EPHX1: variants seen among roughly 807,000 people sequenced by gnomAD.
EPHX1 encodes epoxide hydratase.
A neutral mutation model predicts 43.2 loss-of-function variants in EPHX1; 40 were observed. The observed-to-expected ratio is 0.93, with a 90% CI of 0.72 to 1.21. The LOEUF (loss-of-function observed/expected upper bound fraction) is 1.21. EPHX1 is among the 50% of genes most tolerant of loss of function. The pLI, the probability that EPHX1 is intolerant of heterozygous loss-of-function variation, is 0.00. For missense variants in EPHX1, 550 were observed against 570.4 expected, an observed-to-expected ratio of 0.96 and a Z score of 0.36; for synonymous variants, 221 against 226.7, an observed-to-expected ratio of 0.98 and a Z score of 0.22.
intron 3 of EPHX1, among the ~76,000 whole-genome samples, chr1:225,835,924 A>G (rs1559023158): frequency 6.6e-6 from 1 of 152,030 alleles, no homozygotes; most frequent in Non-Finnish European, 1.5e-5. Context: ...CATTGAATTC[A>G]TCGTGGACTT....
chr1:225,812,277 A>G (rs6426089), intron 1 of EPHX1, among the ~76,000 whole-genome samples: 88,587 of 152,074 alleles, frequency 0.58, 26,591 homozygotes, highest in East Asian at 0.75. Context: ...GAAAATAACT[A>G]CTCAGCAAGA....
At chr1:225,845,044 G>A (rs1668825776) in intron 8 of EPHX1, 102 bp from the exon 9 acceptor site, 2 of 1,233,272 alleles carry the variant, frequency 1.6e-6, no homozygotes, top group Non-Finnish European at 2.4e-6. Context: ...CCTTGTGGGT[G>A]GGCCAGCTGA....
intron 6 of EPHX1, among the ~76,000 whole-genome samples, chr1:225,841,658 G>C (rs1225087959): frequency 1.4e-5 from 2 of 142,512 alleles, no homozygotes; most frequent in African/African-American, 2.7e-5. Flanking sequence ...CTAGAGTGCA[G>C]TGGTACGATC....
intron 1 of EPHX1, among the ~76,000 whole-genome samples, chr1:225,812,875 T>C (rs1340310457): frequency 6.6e-6 from 1 of 152,144 alleles, no homozygotes; most frequent in Non-Finnish European, 1.5e-5. Flanking sequence ...TAGGATCTCA[T>C]ACTGAAAACC....
At chr1:225,840,607 C>T (rs887887306) in intron 6 of EPHX1, among the ~76,000 whole-genome samples, 5 of 152,236 alleles carry the variant, frequency 3.3e-5, no homozygotes, top group African/African-American at 9.6e-5. Context: ...TCAACATCCA[C>T]AGAGTAATAT....
chr1:225,824,922 C>G (rs779522627), intron 1 of EPHX1, among the ~76,000 whole-genome samples: 6 of 152,236 alleles, frequency 3.9e-5, no homozygotes, highest in Non-Finnish European at 8.8e-5. Context: ...AGGGCTGTTA[C>G]TAGGTGGCAA....
intron 1 of EPHX1, among the ~76,000 whole-genome samples, chr1:225,811,103 A>G (rs1302224487): frequency 6.6e-6 from 1 of 152,086 alleles, no homozygotes; most frequent in Non-Finnish European, 1.5e-5. Flanking sequence ...AGAACAGGAA[A>G]CTTGCCCGGG....
intron 3 of EPHX1, among the ~76,000 whole-genome samples, chr1:225,835,326 C>T (rs926354512): frequency 2.6e-5 from 4 of 151,834 alleles, no homozygotes; most frequent in African/African-American, 9.7e-5. Context: ...TCAAGCGATC[C>T]TCCCACCTCA....
rs755422095 is a variant in EPHX1 at position 225,845,315 on chromosome 1, C to A, written c.1336C>A (p.Arg446Ser). 2 of 1,612,086 alleles carry A rather than the reference C, an allele frequency of 1.2e-6. No homozygotes were observed. The highest frequency in any genetic ancestry group is 1.7e-6 in the Non-Finnish European group (2 of 1,179,990). Reference sequence around the variant, plus strand: ...GCCGGAGCTGCTCGCCCAGGACATCCGCAAGTTCCTGTCGGTGCTGGAGCG... The same window carrying A: ...GCCGGAGCTGCTCGCCCAGGACATCAGCAAGTTCCTGTCGGTGCTGGAGCG... ...EEPELLAQDI[R>S]KFLSVLERQ The change falls in exon 9 of 9, where the codon CGC becomes AGC. Residue 446 changes from arginine to serine, a missense_variant. Arg to Ser is a moderately radical substitution (Grantham distance 110). Coordinates refer to ENST00000272167, the MANE Select transcript of EPHX1 (RefSeq NM_001136018.4).
Position 225,839,178 on chromosome 1 carries a change from G to A in EPHX1, c.593-39G>A, listed in dbSNP as rs777492293. ...AGAGGGCCCAAGGAGCAATCTGCCT[G>A]TGACTCCGTGACTCCATGCCTTTCC... On this transcript the variant is annotated intron_variant, in intron 4 of 8. Coordinates refer to ENST00000272167, the MANE Select transcript of EPHX1 (RefSeq NM_001136018.4). 8.7e-6 allele frequency: 14 copies of A among 1,613,600 alleles called. 2 individuals are homozygous for A. In the South Asian group the frequency reaches 9.9e-5, roughly 11 times the overall value.
At chr1:225,844,193 C>T (rs148633586) in intron 7 of EPHX1, among the ~76,000 whole-genome samples, 18 of 150,216 alleles carry the variant, frequency 1.2e-4, no homozygotes, top group Admixed American at 7.3e-4. Flanking sequence ...AGCAGTTTCA[C>T]GGTGCAGGGG....
intron 3 of EPHX1, among the ~76,000 whole-genome samples, chr1:225,835,459 G>A (rs1010237937): frequency 2.2e-5 from 3 of 138,808 alleles, no homozygotes; most frequent in Non-Finnish European, 3.0e-5. Context: ...ACGCAATCTC[G>A]ACTCACTGCA....
Position 225,833,821 on chromosome 1 carries a change from G to T in EPHX1, c.364+1862G>T, listed in dbSNP as rs1667769305. On this transcript the variant is annotated intron_variant, in intron 3 of 8. Coordinates refer to ENST00000272167, the MANE Select transcript of EPHX1 (RefSeq NM_001136018.4). ...AAAAAAAAAAAAAAAAAACAGGCTG[G>T]GCGCCGTGGCTCACGCCTGTAATCC... is the stretch of plus-strand genomic sequence containing the variant. 2.7e-5 allele frequency among the ~76,000 whole-genome samples: 4 copies of T among 148,762 alleles called. No individual in the cohort carries two copies. In the Admixed American group the frequency reaches 2.7e-4, roughly 10 times the overall value.
chr1:225,830,169 A>G (rs55772908), intron 2 of EPHX1, among the ~76,000 whole-genome samples: 10,471 of 152,314 alleles, frequency 0.069, 456 homozygotes, highest in Middle Eastern at 0.099. Flanking sequence ...TTAAAAGCAG[A>G]AGCTGGGCTA....
chr1:225,815,493 T>G (rs1039004673), intron 1 of EPHX1, among the ~76,000 whole-genome samples: 1 of 147,812 alleles, frequency 6.8e-6, no homozygotes, highest in South Asian at 2.1e-4. Flanking sequence ...GCTCAAGCGA[T>G]CCACCTGCCT....
chr1:225,838,981 G>A, intron 4 of EPHX1, 100 bp downstream of exon 4: 2 of 1,456,346 alleles, frequency 1.4e-6, no homozygotes, highest in South Asian at 1.2e-5. Context: ...GCAGGGAGTT[G>A]GCCCGAGGAA....
chr1:225,814,422 G>A (rs998686625), intron 1 of EPHX1, among the ~76,000 whole-genome samples: 1 of 152,234 alleles, frequency 6.6e-6, no homozygotes, highest in Non-Finnish European at 1.5e-5. Flanking sequence ...TAGTATGGGA[G>A]ATGGTGTGTT....
intron 1 of EPHX1, among the ~76,000 whole-genome samples, chr1:225,818,783 A>G (rs1215598987): frequency 6.6e-6 from 1 of 152,074 alleles, no homozygotes; most frequent in South Asian, 2.1e-4. Context: ...TGGGATATAC[A>G]TGATCAGATT....
chr1:225,844,841 C>T (rs1296733968), intron 8 of EPHX1, among the ~76,000 whole-genome samples: 1 of 152,166 alleles, frequency 6.6e-6, no homozygotes, highest in African/African-American at 2.4e-5. Context: ...CTCAGTACCG[C>T]TCCCCAGTCT....
Sources: gnomAD v4.1 joint callset for allele counts (sites outside exome capture counted in the v4.1 genomes callset) on GRCh38, gnomAD v4.1.1 for gene constraint, MANE v1.5 for transcripts, NCBI Gene and HGNC (gene_info 2026-07-23, HGNC 2026-07-21) for gene names.